The following TCF7L2 variants were observed in gnomAD, a reference collection of about 807,000 sequenced individuals.
The protein encoded by TCF7L2 is transcription factor 7 like 2, also known as transcription factor 7-like 2.
A neutral mutation model predicts 77.9 loss-of-function variants in TCF7L2; 23 were observed. The ratio of observed to expected loss-of-function variants is 0.30; its 90% confidence interval spans 0.21 to 0.42. The LOEUF is 0.42. TCF7L2 is among the 10% of genes least tolerant of loss of function. The pLI, the probability that TCF7L2 is intolerant of heterozygous loss-of-function variation, is 1.00. For synonymous variants in TCF7L2, 413 were observed against 340.2 expected (o/e 1.21, Z -2.36); for missense variants, 654 against 793.1 (o/e 0.82, Z 2.11).
intron 12 of TCF7L2, among the ~76,000 whole-genome samples, chr10:113,159,580 AAG>A (rs1418637053): frequency 2.6e-5 from 4 of 152,190 alleles, no homozygotes; most frequent in African/African-American, 9.6e-5. Flanking sequence ...AAAAATATTT[AAG>A]AGTTATTCCA....
At chr10:113,162,561 G>A (rs1205140524) in intron 13 of TCF7L2, among the ~76,000 whole-genome samples, 1 of 152,116 alleles carries the variant, frequency 6.6e-6, no homozygotes, top group Non-Finnish European at 1.5e-5. Context: ...TGAGCAGCAT[G>A]GTTTTCTAAA....
intron 4 of TCF7L2, among the ~76,000 whole-genome samples, chr10:113,016,868 G>A (rs967598006): frequency 3.9e-5 from 6 of 152,100 alleles, no homozygotes; most frequent in African/African-American, 7.2e-5. Flanking sequence ...AGCATCCCAC[G>A]CGGGAGCACT....
At chr10:113,155,527 G>A (rs2071682817) in intron 11 of TCF7L2, among the ~76,000 whole-genome samples, 1 of 152,166 alleles carries the variant, frequency 6.6e-6, no homozygotes, top group African/African-American at 2.4e-5. Context: ...TAGTCTAAAT[G>A]ACAACTTCTT....
At chr10:113,055,433 A>C (rs887967555) in intron 5 of TCF7L2, among the ~76,000 whole-genome samples, 1 of 152,194 alleles carries the variant, frequency 6.6e-6, no homozygotes, top group Non-Finnish European at 1.5e-5. Flanking sequence ...TGCCTTCTTC[A>C]TTTTAAAGAA....
At chr10:113,126,962 G>C in intron 5 of TCF7L2, 2 of 974,242 alleles carry the variant, frequency 2.1e-6, no homozygotes, top group Non-Finnish European at 2.4e-6. Context: ...GCCCTGCTGC[G>C]TCCACGGCTG....
In TCF7L2 at chr10:113,102,181, C is replaced by T. The variant is rs73360264; in HGVS notation, c.553-39003C>T. Among the ~76,000 whole-genome samples the T allele has an allele frequency of 2.7e-3, 399 of 145,558 alleles. 2 individuals are homozygous for T. The highest frequency in any genetic ancestry group is 9.6e-3 in the African/African-American group (379 of 39,432). ...TGGTTTTGGTACTCAGTGTCTAGGA[C>T]GTCTGTTTAATGGGATGGTTAGGAG... is the stretch of plus-strand genomic sequence containing the variant. On this transcript the variant is annotated intron_variant, in intron 5 of 13. Coordinates refer to ENST00000627217, the MANE Select transcript of TCF7L2 (RefSeq NM_001146274.2).
At chr10:113,008,920 A>G (rs142780960) in intron 4 of TCF7L2, among the ~76,000 whole-genome samples, 43 of 152,254 alleles carry the variant, frequency 2.8e-4, no homozygotes, top group Non-Finnish European at 4.6e-4. Context: ...TCAGGCTTCT[A>G]TAAATCTCAT....
intron 3 of TCF7L2, 132 bp downstream of exon 3, chr10:112,951,739 C>T: frequency 3.0e-6 from 1 of 336,996 alleles, no homozygotes; most frequent in Non-Finnish European, 4.3e-6. Flanking sequence ...TCCCTCCCCT[C>T]CCCCGCTCGT....
intron 5 of TCF7L2, among the ~76,000 whole-genome samples, chr10:113,046,593 G>A (rs962168886): frequency 6.6e-6 from 1 of 152,160 alleles, no homozygotes; most frequent in African/African-American, 2.4e-5. Context: ...GCAACCCCAA[G>A]TCTTCTCTTC....
At chr10:113,139,616 A>G (rs1316238122) in intron 5 of TCF7L2, among the ~76,000 whole-genome samples, 1 of 152,210 alleles carries the variant, frequency 6.6e-6, no homozygotes. Flanking sequence ...ATACATAGGA[A>G]TTGGTAAACC....
intron 5 of TCF7L2, among the ~76,000 whole-genome samples, chr10:113,106,168 TAA>T (rs2062292198): frequency 6.6e-6 from 1 of 151,920 alleles, no homozygotes; most frequent in Non-Finnish European, 1.5e-5. Context: ...CCAACCAGAG[TAA>T]TGTGTTCACT....
rs949875743 is a variant in TCF7L2, at chr10:113,166,315, GA to G, written c.*352del. On this transcript the variant is annotated 3_prime_UTR_variant, in exon 14 of 14. Coordinates refer to ENST00000627217, the MANE Select transcript of TCF7L2 (RefSeq NM_001146274.2). ...TAAAAGACTGATTAAAAAACAAAAAGAAAAAAAAAGCAATTTTGAAGCAGCC... is the reference window on the plus strand; with the variant it reads ...TAAAAGACTGATTAAAAAACAAAAAGAAAAAAAAGCAATTTTGAAGCAGCC... The G allele has an allele frequency of 2.2e-4, 52 of 239,562 alleles. No homozygotes were observed. Among genetic ancestry groups the G allele is most frequent in the South Asian group, 1.3e-3 (7 of 5,532 alleles). The allele number at this position is 239,562 out of a possible 1,614,324, so 14.8% of individuals were successfully genotyped here. A position where few individuals can be genotyped will look rare whatever the true frequency, so the allele number is the denominator to read the frequency against.
At chr10:113,085,162 G>A (rs2059704518) in intron 5 of TCF7L2, among the ~76,000 whole-genome samples, 1 of 151,688 alleles carries the variant, frequency 6.6e-6, no homozygotes, top group South Asian at 2.1e-4. Context: ...GATCTTCCAG[G>A]CTTAACCAAA....
intron 3 of TCF7L2, among the ~76,000 whole-genome samples, chr10:112,957,150 CCTTT>C (rs1450095346): frequency 6.8e-6 from 1 of 147,978 alleles, no homozygotes; most frequent in Non-Finnish European, 1.5e-5. Context: ...CTCCCTTTTT[CCTTT>C]CTTTCTCTTT....
intron 5 of TCF7L2, among the ~76,000 whole-genome samples, chr10:113,118,266 G>C (rs2064152118): frequency 6.6e-6 from 1 of 152,158 alleles, no homozygotes; most frequent in Non-Finnish European, 1.5e-5. Flanking sequence ...TAATGGTTTT[G>C]TCTCTGGCTT....
intron 3 of TCF7L2, among the ~76,000 whole-genome samples, chr10:112,962,707 TC>T (rs1463006684): frequency 6.6e-6 from 1 of 152,184 alleles, no homozygotes; most frequent in Non-Finnish European, 1.5e-5. Context: ...CAAGCAATTT[TC>T]CTGCCTCAGC....
intron 5 of TCF7L2, among the ~76,000 whole-genome samples, chr10:113,060,203 G>A (rs576498465): frequency 2.0e-5 from 3 of 152,290 alleles, no homozygotes; most frequent in South Asian, 2.1e-4. Flanking sequence ...AGTGATAAAG[G>A]GGGGCAGCAA....
At chr10:113,161,320 C>T (rs760969644) in intron 13 of TCF7L2, 44 of 516,204 alleles carry the variant, frequency 8.5e-5, no homozygotes, top group South Asian at 1.7e-4. Context: ...CAGACTGCAG[C>T]GTCCCTAGGC....
chr10:113,029,323 C>G (rs760525735), intron 4 of TCF7L2, among the ~76,000 whole-genome samples: 1 of 152,138 alleles, frequency 6.6e-6, no homozygotes, highest in Non-Finnish European at 1.5e-5. Context: ...TCTTATCTTT[C>G]ACAAGGTCTT....
Sources: allele counts gnomAD v4.1 joint callset (sites outside exome capture counted in the v4.1 genomes callset), GRCh38; gene constraint gnomAD v4.1.1; transcripts MANE v1.5; gene names NCBI Gene and HGNC (gene_info 2026-07-23, HGNC 2026-07-21).